The following TCF12 variants were observed in gnomAD, a reference collection of about 807,000 sequenced individuals.
The protein encoded by TCF12 is DNA-binding protein HTF4.
Under a neutral mutation model 86.0 loss-of-function variants are expected in TCF12, and 45 were observed. That is an observed-to-expected ratio of 0.52 (90% CI 0.41 to 0.67). TCF12 has a LOEUF of 0.67. Ranked by LOEUF, TCF12 falls within the 30% of genes least tolerant of loss-of-function variation. The probability of loss-of-function intolerance (pLI) is 0.00; values close to 1 mark genes in which losing one functional copy is unlikely to be tolerated. For synonymous variants in TCF12, 330 were observed against 299.6 expected (o/e 1.10, Z -1.05); for missense variants, 881 against 859.9 (o/e 1.02, Z -0.31).
At chr15:57,130,262 G>A (rs1211304351) in intron 5 of TCF12, among the ~76,000 whole-genome samples, 1 of 152,112 alleles carries the variant, frequency 6.6e-6, no homozygotes, top group Non-Finnish European at 1.5e-5. Context: ...CTGGTTTCCA[G>A]ATGTTATTAC....
At chr15:57,023,606 GT>G (rs546431056) in intron 3 of TCF12, among the ~76,000 whole-genome samples, 1 of 152,040 alleles carries the variant, frequency 6.6e-6, no homozygotes, top group South Asian at 2.1e-4. Context: ...TCATAAAGAA[GT>G]TTTTTTTATG....
At chr15:56,923,576 TAGGGCAGTGTATAGAAACAA>T (rs1208621990) in intron 3 of TCF12, among the ~76,000 whole-genome samples, 8 of 152,064 alleles carry the variant, frequency 5.3e-5, no homozygotes, top group African/African-American at 1.2e-4. Flanking sequence ...GCACTCTAAT[TAGGGCAGTGTATAGAAACAA>T]AGGGCAGTGT....
At chr15:56,959,360 A>T (rs1475804555) in intron 3 of TCF12, among the ~76,000 whole-genome samples, 2 of 152,208 alleles carry the variant, frequency 1.3e-5, no homozygotes, top group African/African-American at 4.8e-5. Context: ...TCAAAAACTT[A>T]AACTAGATTT....
chr15:56,961,148 A>T (rs138153979), intron 3 of TCF12, among the ~76,000 whole-genome samples: 2 of 148,362 alleles, frequency 1.3e-5, no homozygotes, highest in East Asian at 4.0e-4. Context: ...AAAAAAAATC[A>T]GTTCATTAAA....
intron 16 of TCF12, among the ~76,000 whole-genome samples, chr15:57,258,287 A>C (rs1287769574): frequency 6.6e-6 from 1 of 152,234 alleles, no homozygotes; most frequent in Non-Finnish European, 1.5e-5. Flanking sequence ...ATCAATTTAA[A>C]AAAAAGGGGA....
At chr15:57,063,699 A>C in intron 3 of TCF12, 51 bp from the exon 4 acceptor site, 1 of 1,536,010 alleles carries the variant, frequency 6.5e-7, no homozygotes, top group Non-Finnish European at 8.9e-7. Context: ...TACCAAAAAA[A>C]TCCACAAAAG....
At chr15:57,215,218 C>T (rs1358890455) in intron 8 of TCF12, among the ~76,000 whole-genome samples, 1 of 152,092 alleles carries the variant, frequency 6.6e-6, no homozygotes, top group Non-Finnish European at 1.5e-5. Flanking sequence ...ACTTAATTAG[C>T]AAGGCTAACT....
chr15:57,004,432 G>A (rs1223986520), intron 3 of TCF12, among the ~76,000 whole-genome samples: 9 of 151,370 alleles, frequency 5.9e-5, no homozygotes, highest in South Asian at 2.1e-4. Flanking sequence ...TTTTTGAGGC[G>A]GAGTCTAGCT....
chr15:57,270,326 T>C (rs1206357135), intron 18 of TCF12, among the ~76,000 whole-genome samples: 3 of 152,188 alleles, frequency 2.0e-5, no homozygotes, highest in Non-Finnish European at 2.9e-5. Context: ...ATCACTGATA[T>C]CCTTTCCTCT....
intron 8 of TCF12, among the ~76,000 whole-genome samples, chr15:57,217,254 G>A (rs1181559767): frequency 6.6e-6 from 1 of 151,988 alleles, no homozygotes. Context: ...AACTGATTAG[G>A]TTTGTGCAAA....
chr15:56,963,387 T>C (rs1230273000), intron 3 of TCF12, among the ~76,000 whole-genome samples: 1 of 152,210 alleles, frequency 6.6e-6, no homozygotes, highest in Non-Finnish European at 1.5e-5. Flanking sequence ...TTTGACAGTA[T>C]ATGCTGCTTT....
At chr15:57,272,958 A>G (rs1326275055) in intron 18 of TCF12, 72 bp from the exon 19 acceptor site, 2 of 1,395,754 alleles carry the variant, frequency 1.4e-6, no homozygotes, top group Non-Finnish European at 2.0e-6. Context: ...TTTACGCTTT[A>G]TAATTGTGCA....
intron 8 of TCF12, among the ~76,000 whole-genome samples, chr15:57,229,086 T>C (rs775383423): frequency 5.9e-5 from 9 of 152,010 alleles, no homozygotes; most frequent in Non-Finnish European, 8.8e-5. Flanking sequence ...GTGGATTTAT[T>C]CTGTTTTTTT....
chr15:57,223,643 G>GTTTTTTTGTTTTTTTTTTTTTT (rs2058709304), intron 8 of TCF12, among the ~76,000 whole-genome samples: 1 of 69,666 alleles, frequency 1.4e-5, no homozygotes, highest in Admixed American at 1.9e-4. Context: ...TACCAATGAG[G>GTTTTTTTGTTTTTTTTTTTTTT]TTTTTTTTTT....
rs538952193 is a variant in TCF12 at position 57,180,719 on chromosome 15, A to G, written c.391-11439A>G. Among the ~76,000 whole-genome samples the G allele has an allele frequency of 6.6e-5, 10 of 151,950 alleles. No individual in the cohort carries two copies. In the Middle Eastern group the frequency reaches 0.01, roughly 155 times the overall value. On this transcript the variant is annotated intron_variant, in intron 6 of 20. Transcript: ENST00000333725. ...TTTAAATTTTTGGAGATATGTGACT[A>G]TAACATATGAGGTACTCTCCATCTA...
At chr15:57,272,927 T>TAATA (rs1241007262) in intron 18 of TCF12, 103 bp from the exon 19 acceptor site, 1 of 1,064,388 alleles carries the variant, frequency 9.4e-7, no homozygotes, top group Non-Finnish European at 1.4e-6. Flanking sequence ...ACAAGATTTA[T>TAATA]AGGTGGTTTT....
intron 3 of TCF12, among the ~76,000 whole-genome samples, chr15:56,964,913 G>A (rs1043132913): frequency 5.3e-5 from 8 of 152,158 alleles, no homozygotes; most frequent in African/African-American, 1.9e-4. Context: ...ATAATGTCCT[G>A]TATCAGGGAT....
chr15:57,279,166 T>G (rs1352629210), intron 19 of TCF12, among the ~76,000 whole-genome samples: 18 of 151,832 alleles, frequency 1.2e-4, no homozygotes, highest in Non-Finnish European at 2.6e-4. Context: ...GGCTAATTTT[T>G]AAATTTTTGT....
At chr15:56,957,491 T>G (rs1438142009) in intron 3 of TCF12, among the ~76,000 whole-genome samples, 1 of 152,240 alleles carries the variant, frequency 6.6e-6, no homozygotes, top group African/African-American at 2.4e-5. Context: ...CAATGTTTAA[T>G]TAGCCATTAA....
Sources: gnomAD v4.1 joint callset for allele counts (sites outside exome capture counted in the v4.1 genomes callset) on GRCh38, gnomAD v4.1.1 for gene constraint, MANE v1.5 for transcripts, NCBI Gene and HGNC (gene_info 2026-07-23, HGNC 2026-07-21) for gene names.